ABCC12: variants seen among roughly 807,000 people sequenced by gnomAD.
The protein encoded by ABCC12 is ATP-binding cassette sub-family C member 12.
In ABCC12, 142 loss-of-function variants were observed where a neutral mutation model predicts 151.1. The observed-to-expected ratio is 0.94, with a 90% CI of 0.82 to 1.08. ABCC12 has a LOEUF of 1.08. Ranked by LOEUF, ABCC12 falls within the 50% of genes least tolerant of loss-of-function variation. ABCC12 has a pLI of 0.00. For missense variants in ABCC12, 1,638 were observed against 1,691.1 expected, an observed-to-expected ratio of 0.97 and a Z score of 0.55; for synonymous variants, 645 against 646.4, an observed-to-expected ratio of 1.00 and a Z score of 0.03.
intron 2 of ABCC12, among the ~76,000 whole-genome samples, chr16:48,152,875 C>T (rs1055442382): frequency 3.9e-5 from 6 of 152,174 alleles, no homozygotes; most frequent in African/African-American, 1.2e-4. Context: ...GGAAACATCC[C>T]AGATTAAAGG....
rs984373773 is a variant in ABCC12 at position 48,115,638 on chromosome 16, T to C, written c.1786-20A>G. 2.2e-5 allele frequency: 35 copies of C among 1,603,404 alleles called. No homozygotes were observed. Among genetic ancestry groups the C allele is most frequent in the Non-Finnish European group, 2.9e-5 (34 of 1,173,674 alleles). On this transcript the variant is annotated intron_variant, in intron 14 of 30. Coordinates refer to ENST00000311303, the MANE Select transcript of ABCC12 (RefSeq NM_001393797.1). ...CCCAATCTGTGGACAGGGACAATGC[T>C]ACTGCCCATTGTCAGCCCACCCTGA...
At chr16:48,141,181 G>A (rs1388763615) in intron 5 of ABCC12, 25 bp downstream of exon 5, 2 of 1,609,854 alleles carry the variant, frequency 1.2e-6, no homozygotes, top group East Asian at 2.2e-5. Context: ...CCTAGCAGAT[G>A]AGGAGGAAGG....
chr16:48,124,166 T>C (rs200941399), intron 12 of ABCC12, 47 bp downstream of exon 12: 85 of 1,586,684 alleles, frequency 5.4e-5, no homozygotes, highest in Non-Finnish European at 6.8e-5. Flanking sequence ...AGCCATTTCA[T>C]TGTCATGTTA....
intron 29 of ABCC12, 38 bp from the exon 30 acceptor site, chr16:48,084,111 G>A: frequency 6.4e-7 from 1 of 1,564,552 alleles, no homozygotes; most frequent in Non-Finnish European, 8.6e-7. Flanking sequence ...AAGGCGCACT[G>A]AGAGGGGAAT....
chr16:48,104,284 C>T lies in ABCC12; in HGVS notation c.2758G>A (p.Asp920Asn). ...TCTGCGTGAAACGGCAGCCTCACATCCAGCTCGTCCATATCCTTGGAAAAA... is the reference window on the plus strand; with the variant it reads ...TCTGCGTGAAACGGCAGCCTCACATTCAGCTCGTCCATATCCTTGGAAAAA... ...NRFSKDMDEL[D>N]VRLPFHAENF... Residue 920 changes from aspartate to asparagine, a missense_variant, in exon 22 of 31, where the codon GAT becomes AAT. Physicochemically the swap from Asp to Asn is conservative, Grantham distance 23. Transcript: ENST00000311303. 1.9e-6 allele frequency: 3 copies of T among 1,614,260 alleles called. No individual in the cohort carries two copies. Among genetic ancestry groups the T allele is most frequent in the Non-Finnish European group, 2.5e-6 (3 of 1,180,046 alleles).
At chr16:48,095,656 T>TA (rs1963070706) in intron 24 of ABCC12, among the ~76,000 whole-genome samples, 1 of 146,760 alleles carries the variant, frequency 6.8e-6, no homozygotes, top group African/African-American at 2.5e-5. Context: ...AAAAGAAACA[T>TA]AGAGAATTGA....
chr16:48,087,773 G>C, intron 27 of ABCC12, 153 bp downstream of exon 27: 1 of 748,070 alleles, frequency 1.3e-6, no homozygotes, highest in Non-Finnish European at 2.1e-6. Context: ...TGCAGAAACA[G>C]GGACCAGCAG....
intron 9 of ABCC12, among the ~76,000 whole-genome samples, 159 bp downstream of exon 9, chr16:48,133,527 GA>G (rs1179745750): frequency 0.016 from 1,756 of 109,500 alleles, 26 homozygotes; most frequent in African/African-American, 0.046. Flanking sequence ...CCCTGTCTCA[GA>G]AAAAAAAAAA....
At chr16:48,140,183 TTTG>T (rs148317560) in intron 6 of ABCC12, among the ~76,000 whole-genome samples, 8 of 152,062 alleles carry the variant, frequency 5.3e-5, no homozygotes, top group Admixed American at 1.3e-4. Flanking sequence ...TTCAAGAGTT[TTTG>T]TTGTTGTTGT....
intron 24 of ABCC12, among the ~76,000 whole-genome samples, chr16:48,091,761 C>A (rs1172145947): frequency 2.6e-5 from 4 of 152,182 alleles, no homozygotes; most frequent in Non-Finnish European, 4.4e-5. Flanking sequence ...CAAAAGCCAA[C>A]CCCAAGATTT....
intron 24 of ABCC12, among the ~76,000 whole-genome samples, chr16:48,091,496 C>T (rs566040406): frequency 6.6e-6 from 1 of 152,340 alleles, no homozygotes; most frequent in South Asian, 2.1e-4. Flanking sequence ...CTTGATCACA[C>T]GCCTCTTTGA....
intron 12 of ABCC12, among the ~76,000 whole-genome samples, chr16:48,122,355 G>A (rs984111607): frequency 1.1e-4 from 17 of 152,226 alleles, no homozygotes; most frequent in African/African-American, 3.9e-4. Flanking sequence ...GATGGAGCAG[G>A]ATTTTCTAAT....
intron 2 of ABCC12, among the ~76,000 whole-genome samples, chr16:48,149,593 A>T (rs1266165364): frequency 1.3e-5 from 2 of 152,170 alleles, no homozygotes; most frequent in Admixed American, 6.5e-5. Flanking sequence ...TCTTAAAGCA[A>T]TTTTCTTTAA....
At chr16:48,154,303 A>G (rs953681869) in intron 1 of ABCC12, among the ~76,000 whole-genome samples, 13 of 152,282 alleles carry the variant, frequency 8.5e-5, no homozygotes, top group Admixed American at 5.9e-4. Context: ...TCCATTTTAT[A>G]TGGCCTGCAT....
Position 48,114,610 on chromosome 16 carries a change from G to A in ABCC12, c.1989+805C>T, listed in dbSNP as rs903721875. Among the ~76,000 whole-genome samples the A allele has an allele frequency of 4.6e-5, 7 of 152,112 alleles. No individual in the cohort carries two copies. The East Asian group carries it at 5.8e-4, about 13-fold the overall frequency. On this transcript the variant is annotated intron_variant, in intron 15 of 30. Transcript: ENST00000311303. Reference sequence around the variant, plus strand: ...CGGGCAAGGAGACACCCACGTGCACGCATGAACACACACGTGCACACACAT... The same window carrying A: ...CGGGCAAGGAGACACCCACGTGCACACATGAACACACACGTGCACACACAT...
chr16:48,137,442 A>G (rs1964647515), intron 8 of ABCC12, among the ~76,000 whole-genome samples: 1 of 152,224 alleles, frequency 6.6e-6, no homozygotes, highest in South Asian at 2.1e-4. Flanking sequence ...AAGTGAACTC[A>G]GAGTGTGAGG....
rs1471665986 is a variant in ABCC12, at chr16:48,140,823, A to G, written c.521T>C (p.Phe174Ser). 1 of 1,614,134 alleles carries G rather than the reference A, an allele frequency of 6.2e-7. No individual in the cohort carries two copies. The highest frequency in any genetic ancestry group is 8.5e-7 in the Non-Finnish European group (1 of 1,180,036). Residue 174 changes from phenylalanine (F) to serine (S), a missense_variant, in exon 6 of 31, where the codon TTT becomes TCT. Transcript: ENST00000311303. ...GLCIALFATEFTKVFFWALAW... is the reference protein window; with the variant it reads ...GLCIALFATESTKVFFWALAW... ...AAGGGCCCAAAAGAAGACTTTGGTA[A>G]ACTCGGTGGCAAAAAGGGCTATGCA...
Position 48,108,330 on chromosome 16 carries a change from AGC to A in ABCC12, c.2371+108_2371+109del, listed in dbSNP as rs1963568707. ...AATAAAAGCATTGATAAATGGCCCT[AGC>A]ATAAACAGAATAATTGTTAAAGAAA... On this transcript the variant is annotated intron_variant, in intron 19 of 30. Transcript: ENST00000311303. 9.0e-6 allele frequency: 9 copies of A among 997,168 alleles called. No individual in the cohort carries two copies. The South Asian group carries it at 1.4e-4, about 16-fold the overall frequency. 61.8% of individuals were successfully genotyped at this position (997,168 alleles called of 1,614,324 possible). A position where few individuals can be genotyped will look rare whatever the true frequency, so the allele number is the denominator to read the frequency against.
In ABCC12 at chr16:48,149,755, T is replaced by C. The variant is rs571938587; in HGVS notation, c.-50-3281A>G. On this transcript the variant is annotated intron_variant, in intron 2 of 30. Transcript: ENST00000311303. ...TTATAAAGAATTCTCAATACATTAA[T>C]AACAGAAGGACAAACAATTAATTAG... Among the ~76,000 whole-genome samples, 4 of 152,256 alleles carry C rather than the reference T, an allele frequency of 2.6e-5. No homozygotes were observed. The South Asian group carries it at 8.3e-4, about 32-fold the overall frequency.
Sources: allele counts gnomAD v4.1 joint callset (sites outside exome capture counted in the v4.1 genomes callset), GRCh38; gene constraint gnomAD v4.1.1; transcripts MANE v1.5; gene names NCBI Gene and HGNC (gene_info 2026-07-23, HGNC 2026-07-21).